TRERF1: variants seen among roughly 807,000 people sequenced by gnomAD.
The protein encoded by TRERF1 is transcriptional regulating factor 1.
In TRERF1, 27 loss-of-function variants were observed where a neutral mutation model predicts 122.9. That is an observed-to-expected ratio of 0.22 (90% confidence interval 0.16 to 0.30). The LOEUF is 0.30. TRERF1 is among the 10% of genes least tolerant of loss of function. The pLI is 1.00. For synonymous variants in TRERF1, 636 were observed against 641.7 expected (o/e 0.99, Z 0.13); for missense variants, 1,248 against 1,560.3 (o/e 0.80, Z 3.37).
At chr6:42,375,134 G>T (rs1774602271) in intron 2 of TRERF1, among the ~76,000 whole-genome samples, 1 of 152,122 alleles carries the variant, frequency 6.6e-6, no homozygotes, top group Non-Finnish European at 1.5e-5. Flanking sequence ...TCCCAGCCCA[G>T]GCAGGGCCTT....
chr6:42,443,977 A>G (rs2151799723), intron 2 of TRERF1, among the ~76,000 whole-genome samples: 1 of 152,200 alleles, frequency 6.6e-6, no homozygotes, highest in African/African-American at 2.4e-5. Context: ...TGAAGATGGT[A>G]CCAGCCCTCT....
chr6:42,292,689 CT>C (rs1784495583), intron 4 of TRERF1, among the ~76,000 whole-genome samples: 2 of 152,134 alleles, frequency 1.3e-5, no homozygotes, highest in Non-Finnish European at 2.9e-5. Flanking sequence ...TGGTTTTCTA[CT>C]TTCTGGGATA....
intron 2 of TRERF1, among the ~76,000 whole-genome samples, chr6:42,415,396 C>T (rs1407114531): frequency 1.3e-5 from 2 of 152,042 alleles, no homozygotes; most frequent in African/African-American, 2.4e-5. Flanking sequence ...TTGATGTTGT[C>T]AAATGTATCA....
chr6:42,405,154 G>T (rs1779980646), intron 2 of TRERF1, among the ~76,000 whole-genome samples: 1 of 146,558 alleles, frequency 6.8e-6, no homozygotes, highest in Non-Finnish European at 1.5e-5. Context: ...AGGCATTAAG[G>T]GTTAAGTACT....
At chr6:42,280,212 A>G (rs552022669) in intron 4 of TRERF1, among the ~76,000 whole-genome samples, 2 of 152,216 alleles carry the variant, frequency 1.3e-5, no homozygotes, top group Admixed American at 1.3e-4. Flanking sequence ...TTTTGCTCAG[A>G]CTTCTAAGGT....
chr6:42,233,573 C>A lies in TRERF1; in HGVS notation c.3067-681G>T, dbSNP rs1255022926. ...GTGCTGGGATTACAGGCGTGAGCCACCACGCCTGGCCTCAAACTTTTTTAA... is the reference window on the plus strand; with the variant it reads ...GTGCTGGGATTACAGGCGTGAGCCAACACGCCTGGCCTCAAACTTTTTTAA... On this transcript the variant is annotated intron_variant, in intron 16 of 17. Coordinates refer to ENST00000372922, the Ensembl canonical transcript of TRERF1. Among the ~76,000 whole-genome samples the A allele has an allele frequency of 4.6e-5, 7 of 152,312 alleles. No individual in the cohort carries two copies. In the East Asian group the frequency reaches 1.2e-3, roughly 25 times the overall value.
intron 3 of TRERF1, among the ~76,000 whole-genome samples, chr6:42,327,820 T>C (rs1030324964): frequency 2.6e-5 from 4 of 151,846 alleles, no homozygotes; most frequent in Admixed American, 6.6e-5. Flanking sequence ...GAGTCAGCCC[T>C]CCTGGAGCTG....
chr6:42,239,499 A>G (rs1773125447), intron 15 of TRERF1, among the ~76,000 whole-genome samples: 2 of 152,268 alleles, frequency 1.3e-5, no homozygotes, highest in East Asian at 1.9e-4. Context: ...GCTAAAGGGC[A>G]ATCATTCCTT....
chr6:42,256,879 A>G, intron 11 of TRERF1, 48 bp from the exon 12 acceptor site: 2 of 1,613,322 alleles, frequency 1.2e-6, no homozygotes, highest in Non-Finnish European at 8.5e-7. Context: ...GCTGAGTGTA[A>G]TGGAAAACAC....
In TRERF1 at chr6:42,393,916, GA is replaced by G. The variant is rs61581284; in HGVS notation, c.-453-30838del. Among the ~76,000 whole-genome samples, 14,293 of 118,890 alleles carry G rather than the reference GA, an allele frequency of 0.12. 845 individuals carry two copies. The highest frequency in any genetic ancestry group is 0.2 in the African/African-American group (6,723 of 33,304). 78.0% of individuals were successfully genotyped at this position (118,890 alleles called of 152,430 possible). A position where few individuals can be genotyped will look rare whatever the true frequency, so the allele number is the denominator to read the frequency against. Reference sequence around the variant, plus strand: ...CAAACTCTCCAATGTATATATGCAGGAAAAAAAAAAAAAAAAAGACTGGGAT... The same window carrying G: ...CAAACTCTCCAATGTATATATGCAGGAAAAAAAAAAAAAAAAGACTGGGAT... On this transcript the variant is annotated intron_variant, in intron 2 of 17. Coordinates refer to ENST00000372922, the Ensembl canonical transcript of TRERF1. The surrounding 1 kb of genome is among the most constrained non-coding windows in gnomAD (Gnocchi z 4.1).
chr6:42,425,335 T>C (rs945084603), intron 2 of TRERF1, among the ~76,000 whole-genome samples: 4 of 151,770 alleles, frequency 2.6e-5, no homozygotes, highest in Non-Finnish European at 5.9e-5. Flanking sequence ...AACATCTCTA[T>C]GGAATAAATA....
intron 2 of TRERF1, among the ~76,000 whole-genome samples, chr6:42,436,944 A>C (rs1582233104): frequency 6.6e-6 from 1 of 151,348 alleles, no homozygotes; most frequent in African/African-American, 2.4e-5. Context: ...TAGAGGCAGG[A>C]GACTGTGGTG....
intron 3 of TRERF1, among the ~76,000 whole-genome samples, chr6:42,331,162 A>C (rs961853993): frequency 6.6e-6 from 1 of 152,240 alleles, no homozygotes; most frequent in Non-Finnish European, 1.5e-5. Context: ...TTCCCTTCTC[A>C]GATTCCACTA....
chr6:42,245,720 C>T (rs1774664073), intron 14 of TRERF1, among the ~76,000 whole-genome samples: 1 of 152,216 alleles, frequency 6.6e-6, no homozygotes. Context: ...AGGAGTTCAA[C>T]ACCAGAAACT....
At chr6:42,436,812 A>ATATAT (rs1472456515) in intron 2 of TRERF1, among the ~76,000 whole-genome samples, 723 of 97,454 alleles carry the variant, frequency 7.4e-3, no homozygotes, top group South Asian at 0.014. Context: ...AAAAAAAAAA[A>ATATAT]AAATATATAT....
rs1047850882 is a variant in TRERF1 at position 42,393,625 on chromosome 6, T to C, written c.-453-30546A>G. On this transcript the variant is annotated intron_variant, in intron 2 of 17. Transcript: ENST00000372922. The surrounding 1 kb of genome is among the most constrained non-coding windows in gnomAD (Gnocchi z 4.1). ...GAATTTCTTTCCTAAAACAGTGACC[T>C]AGCTATTAAAATCTGCATTCCCAAA... Among the ~76,000 whole-genome samples the C allele has an allele frequency of 1.3e-5, 2 of 152,234 alleles. No individual in the cohort carries two copies. The highest frequency in any genetic ancestry group is 2.9e-5 in the Non-Finnish European group (2 of 68,040).
At chr6:42,440,859 G>A (rs1363337281) in intron 2 of TRERF1, among the ~76,000 whole-genome samples, 4 of 152,052 alleles carry the variant, frequency 2.6e-5, no homozygotes, top group African/African-American at 9.7e-5. Context: ...AAGCGGGGAT[G>A]GAGACAATCC....
intron 16 of TRERF1, among the ~76,000 whole-genome samples, chr6:42,235,806 A>C (rs1249959739): frequency 6.6e-6 from 1 of 152,254 alleles, no homozygotes; most frequent in Non-Finnish European, 1.5e-5. Context: ...ATGTCATAAA[A>C]GGATGATCTT....
At chr6:42,436,814 A>AAAAAATATAT (rs61427173) in intron 2 of TRERF1, among the ~76,000 whole-genome samples, 46 of 66,686 alleles carry the variant, frequency 6.9e-4, no homozygotes, top group Non-Finnish European at 9.9e-4. Context: ...AAAAAAAAAA[A>AAAAAATATAT]ATATATATAT....
Sources: allele counts gnomAD v4.1 joint callset (sites outside exome capture counted in the v4.1 genomes callset), GRCh38; gene constraint gnomAD v4.1.1; non-coding constraint Gnocchi (gnomAD v3.1); transcripts MANE v1.5; gene names NCBI Gene and HGNC (gene_info 2026-07-23, HGNC 2026-07-21).